Variants in TMEM200A observed in about 807,000 individuals in gnomAD.
TMEM200A encodes transmembrane protein 200A, also known as two transmembrane C.
In TMEM200A, 12 loss-of-function variants were observed where a neutral mutation model predicts 24.3. The ratio of observed to expected loss-of-function variants is 0.49; its 90% CI spans 0.32 to 0.80. The LOEUF (loss-of-function observed/expected upper bound fraction) is 0.80. Among genes scored for constraint, TMEM200A ranks in the 30% least tolerant of loss-of-function variants. The probability of loss-of-function intolerance (pLI) is 0.04; values close to 1 mark genes in which losing one functional copy is unlikely to be tolerated. For synonymous variants in TMEM200A, 224 were observed against 224.4 expected, an observed-to-expected ratio of 1.00 and a Z score of 0.02; for missense variants, 545 against 614.4, an observed-to-expected ratio of 0.89 and a Z score of 1.19.
At chr6:130,403,029 C>A (rs1779124038) in intron 2 of TMEM200A, among the ~76,000 whole-genome samples, 1 of 152,058 alleles carries the variant, frequency 6.6e-6, no homozygotes, top group Non-Finnish European at 1.5e-5. Context: ...TCCTCAGTGG[C>A]ATAATTTCAT....
Position 130,403,183 on chromosome 6 carries a change from A to G in TMEM200A, c.-17+17947A>G, listed in dbSNP as rs558043701. Among the ~76,000 whole-genome samples the G allele has an allele frequency of 1.8e-4, 28 of 152,266 alleles. No homozygotes were observed. The South Asian group carries it at 2.1e-3, about 11-fold the overall frequency. ...TCTGAGGGACACCTGTCATTTGACT[A>G]CATTAATGATCACTAATTACTAAAT... On this transcript the variant is annotated intron_variant, in intron 2 of 2. Coordinates refer to ENST00000296978, the MANE Select transcript of TMEM200A (RefSeq NM_001258277.2).
chr6:130,428,933 G>GAAAT (rs1472388840), intron 2 of TMEM200A, among the ~76,000 whole-genome samples: 5 of 151,946 alleles, frequency 3.3e-5, no homozygotes, highest in Non-Finnish European at 5.9e-5. Flanking sequence ...GGGAGTAAAA[G>GAAAT]AAATATACAA....
chr6:130,373,620 A>C (rs1778370186), intron 1 of TMEM200A, among the ~76,000 whole-genome samples: 1 of 152,234 alleles, frequency 6.6e-6, no homozygotes, highest in Admixed American at 6.5e-5. Flanking sequence ...TTGATATTAT[A>C]AATGGCACTT....
intron 1 of TMEM200A, among the ~76,000 whole-genome samples, chr6:130,370,608 G>T (rs761777194): frequency 6.6e-6 from 1 of 152,134 alleles, no homozygotes; most frequent in Admixed American, 6.5e-5. Context: ...AAGACAATGC[G>T]TATCCCAAAA....
intron 2 of TMEM200A, among the ~76,000 whole-genome samples, chr6:130,428,319 T>C (rs1779795746): frequency 6.6e-6 from 1 of 152,152 alleles, no homozygotes; most frequent in Non-Finnish European, 1.5e-5. Context: ...TATTCATGCT[T>C]TCAGATATTT....
At chr6:130,402,857 A>G (rs1322307051) in intron 2 of TMEM200A, among the ~76,000 whole-genome samples, 1 of 152,100 alleles carries the variant, frequency 6.6e-6, no homozygotes, top group Non-Finnish European at 1.5e-5. Flanking sequence ...TCTATTAGAA[A>G]TTATATCATG....
chr6:130,384,725 C>A (rs541561922), intron 1 of TMEM200A, among the ~76,000 whole-genome samples: 64 of 152,282 alleles, frequency 4.2e-4, no homozygotes, highest in Non-Finnish European at 9.3e-4. Flanking sequence ...TGATATGTAT[C>A]ATTAGATATT....
intron 1 of TMEM200A, among the ~76,000 whole-genome samples, chr6:130,379,322 TG>T (rs147648398): frequency 3.3e-5 from 5 of 152,278 alleles, no homozygotes; most frequent in African/African-American, 1.2e-4. Context: ...GGTTACAGCC[TG>T]CAGAGTGGCC....
intron 2 of TMEM200A, among the ~76,000 whole-genome samples, chr6:130,436,906 C>T (rs1780035943): frequency 1.3e-5 from 2 of 152,116 alleles, no homozygotes; most frequent in South Asian, 4.2e-4. Context: ...AAAGCCTTGG[C>T]CTCCCAAAGC....
chr6:130,413,878 G>A (rs570029347), intron 2 of TMEM200A, among the ~76,000 whole-genome samples: 52 of 152,176 alleles, frequency 3.4e-4, no homozygotes, highest in African/African-American at 9.9e-4. Context: ...GCTTTTGAAC[G>A]TTATGTGCTT....
chr6:130,412,456 C>T (rs567134905), intron 2 of TMEM200A, among the ~76,000 whole-genome samples: 16 of 152,258 alleles, frequency 1.1e-4, no homozygotes, highest in African/African-American at 3.9e-4. Flanking sequence ...TCAGCTCTCT[C>T]AGATTCTAAC....
chr6:130,413,372 C>T (rs1779375627), intron 2 of TMEM200A, among the ~76,000 whole-genome samples: 1 of 152,172 alleles, frequency 6.6e-6, no homozygotes. Flanking sequence ...GTCTGTGTGA[C>T]ATCTGCATTT....
chr6:130,441,518 G>A lies in TMEM200A; in HGVS notation c.1096G>A (p.Gly366Arg), dbSNP rs140251464. 52 of 1,614,000 alleles carry A rather than the reference G, an allele frequency of 3.2e-5. No homozygotes were observed. The highest frequency in any genetic ancestry group is 3.3e-4 in the Middle Eastern group (2 of 6,056). Reference protein sequence around the residue: ...SSQYKSSMALGPGAGQLLSPG... With the variant: ...SSQYKSSMALRPGAGQLLSPG... ...TCAGTACAAGTCATCTATGGCTCTCGGACCTGGGGCTGGACAGCTCTTGTC... is the reference window on the plus strand; with the variant it reads ...TCAGTACAAGTCATCTATGGCTCTCAGACCTGGGGCTGGACAGCTCTTGTC... Residue 366 changes from glycine to arginine, a missense_variant, in exon 3 of 3, where the codon GGA (glycine) becomes AGA (arginine). By Grantham distance (125) the Gly-to-Arg change is moderately radical. Coordinates refer to ENST00000296978, the MANE Select transcript of TMEM200A (RefSeq NM_001258277.2).
chr6:130,426,466 C>G (rs1052360294), intron 2 of TMEM200A, among the ~76,000 whole-genome samples: 1 of 150,416 alleles, frequency 6.6e-6, no homozygotes, highest in African/African-American at 2.4e-5. Flanking sequence ...TGCAGCCCCC[C>G]CCCCCTCAGT....
rs138386536 is a variant in TMEM200A at position 130,378,806 on chromosome 6, G to A, written c.-80-6367G>A. Among the ~76,000 whole-genome samples the A allele has an allele frequency of 1.2e-3, 178 of 152,126 alleles. 1 individual carries two copies. The highest frequency in any genetic ancestry group is 4.2e-3 in the African/African-American group (174 of 41,508). ...AATGAGAGATATTTTACTTTGGATG[G>A]TGTATTAGTTTATTTCATGCTGCTG... is the stretch of plus-strand genomic sequence containing the variant. On this transcript the variant is annotated intron_variant, in intron 1 of 2. Transcript: ENST00000296978.
chr6:130,402,093 G>C lies in TMEM200A; in HGVS notation c.-17+16857G>C, dbSNP rs56231327. ...TTTCTTAAAAAAAAAAAACCTTAAGGCTTTTGGTTTTATTACTATGACTAC... is the reference window on the plus strand; with the variant it reads ...TTTCTTAAAAAAAAAAAACCTTAAGCCTTTTGGTTTTATTACTATGACTAC... On this transcript the variant is annotated intron_variant, in intron 2 of 2. Transcript: ENST00000296978. Among the ~76,000 whole-genome samples the C allele has an allele frequency of 4.2e-3, 633 of 151,238 alleles. 7 individuals carry two copies. Among genetic ancestry groups the C allele is most frequent in the African/African-American group, 0.014 (586 of 41,272 alleles).
At position 130,390,454 on chromosome 6, in the gene TMEM200A, G is replaced by A. The variant is rs566261785; in HGVS notation, c.-17+5218G>A. Among the ~76,000 whole-genome samples the A allele has an allele frequency of 5.3e-5, 8 of 152,332 alleles. 1 individual carries two copies. In the South Asian group the frequency reaches 1.7e-3, roughly 32 times the overall value. On this transcript the variant is annotated intron_variant, in intron 2 of 2. Coordinates refer to ENST00000296978, the MANE Select transcript of TMEM200A (RefSeq NM_001258277.2). ...GGCTACAGTATGTCATTTAATCTCA[G>A]TGAGCTCTTTCTGACTTTACAGAGT...
intron 2 of TMEM200A, among the ~76,000 whole-genome samples, chr6:130,388,699 T>G (rs1778768151): frequency 6.6e-6 from 1 of 152,178 alleles, no homozygotes; most frequent in African/African-American, 2.4e-5. Flanking sequence ...TAGTTGATGT[T>G]TACATTAAAT....
At chr6:130,414,099 A>G (rs1434209528) in intron 2 of TMEM200A, among the ~76,000 whole-genome samples, 2 of 152,114 alleles carry the variant, frequency 1.3e-5, no homozygotes, top group Admixed American at 1.3e-4. Flanking sequence ...ACTGTTCTCA[A>G]AAGTCTTAAT....
Sources: allele counts gnomAD v4.1 joint callset (sites outside exome capture counted in the v4.1 genomes callset), GRCh38; gene constraint gnomAD v4.1.1; transcripts MANE v1.5; gene names NCBI Gene and HGNC (gene_info 2026-07-23, HGNC 2026-07-21).